The following UBE2E2 variants were observed in gnomAD, a reference collection of about 807,000 sequenced individuals.
UBE2E2 encodes the protein ubiquitin conjugating enzyme E2 E2, also known as ubiquitin-conjugating enzyme E2 E2.
In UBE2E2, 6 loss-of-function variants were observed where a neutral mutation model predicts 24.7. The ratio of observed to expected loss-of-function variants is 0.24; its 90% CI spans 0.13 to 0.48. The LOEUF is 0.48. UBE2E2 is among the 20% of genes least tolerant of loss of function. UBE2E2 has a pLI of 0.99. For synonymous variants in UBE2E2, 104 were observed against 83.6 expected (o/e 1.24, Z -1.33); for missense variants, 169 against 245.0 (o/e 0.69, Z 2.07).
At chr3:23,477,900 A>G (rs1699173970) in intron 3 of UBE2E2, among the ~76,000 whole-genome samples, 1 of 152,144 alleles carries the variant, frequency 6.6e-6, no homozygotes, top group African/African-American at 2.4e-5. Flanking sequence ...ATGGTTTTAT[A>G]AGGCGCTTTT....
intron 3 of UBE2E2, among the ~76,000 whole-genome samples, chr3:23,305,130 A>G (rs1699205477): frequency 6.6e-6 from 1 of 152,196 alleles, no homozygotes; most frequent in Non-Finnish European, 1.5e-5. Context: ...GTCAAATTTT[A>G]TCATTGGCGA....
intron 3 of UBE2E2, among the ~76,000 whole-genome samples, chr3:23,433,885 A>T (rs541418782): frequency 5.5e-4 from 83 of 152,176 alleles, no homozygotes; most frequent in Non-Finnish European, 1.1e-3. Context: ...TAAGAATGGT[A>T]AATTTTTAAG....
At chr3:23,584,876 T>C (rs1449619539) in intron 5 of UBE2E2, among the ~76,000 whole-genome samples, 1 of 152,118 alleles carries the variant, frequency 6.6e-6, no homozygotes, top group Admixed American at 6.6e-5. Context: ...CCAGTTGGTA[T>C]GACAGTCTTT....
chr3:23,518,051 C>G (rs747548361), intron 4 of UBE2E2, among the ~76,000 whole-genome samples: 54 of 151,724 alleles, frequency 3.6e-4, no homozygotes, highest in Non-Finnish European at 5.6e-4. Flanking sequence ...TTCCTTGTTT[C>G]TATCAGATAC....
chr3:23,278,860 A>G (rs1424834408), intron 3 of UBE2E2, among the ~76,000 whole-genome samples: 1 of 152,154 alleles, frequency 6.6e-6, no homozygotes, highest in East Asian at 1.9e-4. Flanking sequence ...CTCGGCAGTA[A>G]AAAACCAGTC....
Position 23,228,196 on chromosome 3 carries a change from A to G in UBE2E2, c.227+10884A>G, listed in dbSNP as rs1048042000. The stretch of plus-strand genomic sequence containing the variant: ...AAATATTTATTTGCTAATAAAAGAA[A>G]ATGTTGAATGGTAAAGTGAGTTTAG... On this transcript the variant is annotated intron_variant, in intron 3 of 5. Coordinates refer to ENST00000396703, the MANE Select transcript of UBE2E2 (RefSeq NM_152653.4). 5.9e-5 allele frequency among the ~76,000 whole-genome samples: 9 copies of G among 152,186 alleles called. 1 individual carries two copies. Among genetic ancestry groups the G allele is most frequent in the Admixed American group, 5.2e-4 (8 of 15,272 alleles).
At chr3:23,415,031 A>G (rs1697588345) in intron 3 of UBE2E2, among the ~76,000 whole-genome samples, 1 of 152,230 alleles carries the variant, frequency 6.6e-6, no homozygotes, top group Non-Finnish European at 1.5e-5. Flanking sequence ...GCAACTCAAG[A>G]GGTGTGAAGC....
intron 3 of UBE2E2, among the ~76,000 whole-genome samples, chr3:23,262,953 A>C (rs1325135147): frequency 6.6e-6 from 1 of 152,128 alleles, no homozygotes; most frequent in Non-Finnish European, 1.5e-5. Context: ...AGAAGGCAAA[A>C]AGCTCTTCTG....
At chr3:23,353,491 C>A (rs909187355) in intron 3 of UBE2E2, among the ~76,000 whole-genome samples, 8 of 152,184 alleles carry the variant, frequency 5.3e-5, no homozygotes, top group Non-Finnish European at 1.2e-4. Context: ...AAAACCCCAT[C>A]GTGTCAGCCC....
chr3:23,532,860 G>T (rs901187452), intron 5 of UBE2E2, among the ~76,000 whole-genome samples, 159 bp downstream of exon 5: 1 of 151,518 alleles, frequency 6.6e-6, no homozygotes, highest in Admixed American at 6.6e-5. Flanking sequence ...TTTTAAATTG[G>T]GTCTTCTCAT....
chr3:23,441,359 C>A (rs538859120), intron 3 of UBE2E2, among the ~76,000 whole-genome samples: 34 of 103,824 alleles, frequency 3.3e-4, no homozygotes, highest in Non-Finnish European at 5.4e-4. Flanking sequence ...CACGTCTCTA[C>A]TAAAAATCCA....
At chr3:23,302,518 A>C (rs925775110) in intron 3 of UBE2E2, among the ~76,000 whole-genome samples, 11 of 152,108 alleles carry the variant, frequency 7.2e-5, no homozygotes, top group African/African-American at 2.4e-4. Flanking sequence ...GCACACACCA[A>C]CCTCTCCTTT....
At chr3:23,252,519 C>G (rs542115487) in intron 3 of UBE2E2, among the ~76,000 whole-genome samples, 1 of 151,976 alleles carries the variant, frequency 6.6e-6, no homozygotes, top group African/African-American at 2.4e-5. Flanking sequence ...TTTTTTGAGA[C>G]GGAGTCTAGC....
intron 3 of UBE2E2, among the ~76,000 whole-genome samples, chr3:23,261,917 A>G (rs1034975482): frequency 1.6e-4 from 25 of 152,206 alleles, no homozygotes; most frequent in African/African-American, 6.0e-4. Flanking sequence ...GGCTGTTGTG[A>G]ATAATGCTGC....
At chr3:23,289,338 TA>T (rs1410106635) in intron 3 of UBE2E2, among the ~76,000 whole-genome samples, 5 of 152,360 alleles carry the variant, frequency 3.3e-5, no homozygotes, top group African/African-American at 1.2e-4. Flanking sequence ...TGAAATCTTT[TA>T]TACTTTAAAG....
At chr3:23,535,870 C>T (rs1216837175) in intron 5 of UBE2E2, among the ~76,000 whole-genome samples, 1 of 152,134 alleles carries the variant, frequency 6.6e-6, no homozygotes, top group African/African-American at 2.4e-5. Context: ...ATCCGCCCGC[C>T]TCGGCCTCCC....
At chr3:23,359,466 T>G (rs895989912) in intron 3 of UBE2E2, among the ~76,000 whole-genome samples, 6 of 152,232 alleles carry the variant, frequency 3.9e-5, no homozygotes, top group African/African-American at 1.2e-4. Context: ...TCCTTGTTCC[T>G]TCTTTTGGAA....
intron 3 of UBE2E2, among the ~76,000 whole-genome samples, chr3:23,358,222 C>A: frequency 6.6e-6 from 1 of 152,156 alleles, no homozygotes; most frequent in East Asian, 1.9e-4. Context: ...GTTTTTCTGT[C>A]AGGGTTTTGA....
At chr3:23,332,672 G>GGGGT (rs1491063401) in intron 3 of UBE2E2, among the ~76,000 whole-genome samples, 4 of 80,426 alleles carry the variant, frequency 5.0e-5, no homozygotes, top group African/African-American at 1.8e-4. Context: ...GGCAGCCAGT[G>GGGGT]GGGTGTGTGT....
Sources: allele counts gnomAD v4.1 joint callset (sites outside exome capture counted in the v4.1 genomes callset), GRCh38; gene constraint gnomAD v4.1.1; transcripts MANE v1.5; gene names NCBI Gene and HGNC (gene_info 2026-07-23, HGNC 2026-07-21).